The following MCHR2 variants were observed in gnomAD, a reference collection of about 807,000 sequenced individuals.
The protein encoded by MCHR2 is melanin-concentrating hormone receptor 2.
In MCHR2, 15 loss-of-function variants were observed where a neutral mutation model predicts 24.8. The ratio of observed to expected loss-of-function variants is 0.60; its 90% CI spans 0.40 to 0.93. The LOEUF is 0.93. Ranked by LOEUF, MCHR2 falls within the 40% of genes least tolerant of loss-of-function variation. The pLI, the probability that MCHR2 is intolerant of heterozygous loss-of-function variation, is 0.00. For missense variants in MCHR2, 386 were observed against 408.7 expected, an observed-to-expected ratio of 0.94 and a Z score of 0.48; for synonymous variants, 151 against 147.6, an observed-to-expected ratio of 1.02 and a Z score of -0.17.
intron 2 of MCHR2, among the ~76,000 whole-genome samples, chr6:99,949,237 C>T (rs1774925940): frequency 1.3e-5 from 2 of 152,226 alleles, no homozygotes; most frequent in South Asian, 2.1e-4. Flanking sequence ...TAAACCCTGT[C>T]ATCAAGGAGC....
intron 5 of MCHR2, among the ~76,000 whole-genome samples, chr6:99,931,684 G>A (rs143059705): frequency 1.2e-3 from 176 of 152,248 alleles, no homozygotes; most frequent in African/African-American, 1.4e-3. Context: ...TCCTAAGCCC[G>A]TCGGAAAAGC....
chr6:99,965,129 C>T (rs980258505), intron 1 of MCHR2, among the ~76,000 whole-genome samples: 5 of 152,050 alleles, frequency 3.3e-5, no homozygotes, highest in African/African-American at 1.2e-4. Flanking sequence ...CAGTGTTTTA[C>T]GTATGGTTCT....
Position 99,924,906 on chromosome 6 carries a change from A to G in MCHR2, c.708-3651T>C, listed in dbSNP as rs968482444. On this transcript the variant is annotated intron_variant, in intron 5 of 5. Coordinates refer to ENST00000281806, the MANE Select transcript of MCHR2 (RefSeq NM_001040179.2). ...TGGATGAGATGTCCTGTAAATATAT[A>G]TTAGATCCATTTGGTCTACAGTGCA... Among the ~76,000 whole-genome samples the G allele has an allele frequency of 1.2e-4, 18 of 152,264 alleles. 1 individual carries two copies. In the East Asian group the frequency reaches 2.3e-3, roughly 20 times the overall value.
At chr6:99,929,296 G>GA (rs1179040934) in intron 5 of MCHR2, among the ~76,000 whole-genome samples, 2 of 151,870 alleles carry the variant, frequency 1.3e-5, no homozygotes, top group Non-Finnish European at 1.5e-5. Flanking sequence ...GTGTGGTGCT[G>GA]AAAAAAATGT....
intron 5 of MCHR2, among the ~76,000 whole-genome samples, chr6:99,925,089 G>C (rs12212220): frequency 0.13 from 20,144 of 151,938 alleles, 1,733 homozygotes; most frequent in Admixed American, 0.2. Context: ...TCCAGTGTTG[G>C]GTGAATATAT....
chr6:99,969,651 T>C (rs1775362386), intron 1 of MCHR2, among the ~76,000 whole-genome samples: 1 of 151,480 alleles, frequency 6.6e-6, no homozygotes, highest in South Asian at 2.1e-4. Flanking sequence ...ATGTGCCATG[T>C]TGGTGTGCTG....
rs562799282 is a variant in MCHR2 at position 99,974,098 on chromosome 6, T to C, written c.-27-17924A>G. Among the ~76,000 whole-genome samples, 9 of 152,330 alleles carry C rather than the reference T, an allele frequency of 5.9e-5. No individual in the cohort carries two copies. In the East Asian group the frequency reaches 1.7e-3, roughly 29 times the overall value. On this transcript the variant is annotated intron_variant, in intron 1 of 5. Coordinates refer to ENST00000281806, the MANE Select transcript of MCHR2 (RefSeq NM_001040179.2). ...GTTCTCTGTATTTCCTGAATCTGAATGTTGGCCTGCCTTGCTAGATTGGGG... is the reference window on the plus strand; with the variant it reads ...GTTCTCTGTATTTCCTGAATCTGAACGTTGGCCTGCCTTGCTAGATTGGGG...
chr6:99,947,842 A>G lies in MCHR2; in HGVS notation c.312T>C (p.Pro104=), dbSNP rs1774898616. 2 of 1,613,678 alleles carry G rather than the reference A, an allele frequency of 1.2e-6. No individual in the cohort carries two copies. Among genetic ancestry groups the G allele is most frequent in the Admixed American group, 3.3e-5 (2 of 59,930 alleles). Residue 104 remains proline (P), a synonymous_variant, in exon 3 of 6, where the codon CCT becomes CCC. Transcript: ENST00000281806. ...CCAGGGATGTGATGATGGTGCAGAG[A>G]GGCCCCCCAAACACCCACTCTCCCC... is the stretch of plus-strand genomic sequence containing the variant. ...ARGGEWVFGG[P]LCTIITSLDT...
intron 1 of MCHR2, among the ~76,000 whole-genome samples, chr6:99,964,371 T>C (rs961470513): frequency 9.2e-5 from 14 of 152,284 alleles, no homozygotes; most frequent in African/African-American, 3.1e-4. Context: ...TAGTCTGTTA[T>C]CACAATGCTA....
chr6:99,946,238 C>T (rs182806263), intron 3 of MCHR2, among the ~76,000 whole-genome samples: 227 of 152,176 alleles, frequency 1.5e-3, no homozygotes, highest in African/African-American at 5.2e-3. Flanking sequence ...CATTGGCTGG[C>T]ATTAGCTGAG....
chr6:99,921,325 A>G (rs1774225970), intron 5 of MCHR2, 70 bp from the exon 6 acceptor site: 19 of 1,424,702 alleles, frequency 1.3e-5, no homozygotes, highest in Non-Finnish European at 1.7e-5. Flanking sequence ...GTGTTCCTAG[A>G]ACCTTTTGGA....
At chr6:99,927,510 A>C (rs1488986128) in intron 5 of MCHR2, among the ~76,000 whole-genome samples, 5 of 151,820 alleles carry the variant, frequency 3.3e-5, no homozygotes, top group African/African-American at 7.3e-5. Flanking sequence ...CTTTTATTTC[A>C]TTGGGCAGTG....
At chr6:99,948,878 A>G (rs59481159) in intron 2 of MCHR2, among the ~76,000 whole-genome samples, 1 of 152,102 alleles carries the variant, frequency 6.6e-6, no homozygotes. Flanking sequence ...AATAGCAAAG[A>G]CTATTAATAA....
chr6:99,958,616 C>T (rs1033661115), intron 1 of MCHR2, among the ~76,000 whole-genome samples: 4 of 152,262 alleles, frequency 2.6e-5, no homozygotes, highest in Admixed American at 2.6e-4. Context: ...TCCCATGGCA[C>T]CACTGATTCA....
At chr6:99,929,459 T>C (rs1425946616) in intron 5 of MCHR2, among the ~76,000 whole-genome samples, 1 of 152,128 alleles carries the variant, frequency 6.6e-6, no homozygotes, top group Non-Finnish European at 1.5e-5. Context: ...CCCGTTATTA[T>C]TGTGTGGGAG....
chr6:99,986,055 C>T (rs188466291), intron 1 of MCHR2, among the ~76,000 whole-genome samples: 2 of 151,866 alleles, frequency 1.3e-5, no homozygotes, highest in East Asian at 1.9e-4. Flanking sequence ...ATACAAATGG[C>T]CAAAAAACAT....
At chr6:99,984,607 G>A (rs1249211379) in intron 1 of MCHR2, among the ~76,000 whole-genome samples, 1 of 151,936 alleles carries the variant, frequency 6.6e-6, no homozygotes, top group African/African-American at 2.4e-5. Flanking sequence ...TGCAGAAAAA[G>A]CATTCCGTAA....
At chr6:99,977,707 G>C (rs1775579732) in intron 1 of MCHR2, among the ~76,000 whole-genome samples, 1 of 151,932 alleles carries the variant, frequency 6.6e-6, no homozygotes, top group African/African-American at 2.4e-5. Flanking sequence ...ACTATGCCTA[G>C]TGGATAAGTC....
At chr6:99,950,135 A>G (rs573232587) in intron 2 of MCHR2, among the ~76,000 whole-genome samples, 2 of 152,240 alleles carry the variant, frequency 1.3e-5, no homozygotes, top group South Asian at 2.1e-4. Flanking sequence ...ATCAAAAAGA[A>G]TTAAATAAAA....
Sources: gnomAD v4.1 joint callset for allele counts (sites outside exome capture counted in the v4.1 genomes callset) on GRCh38, gnomAD v4.1.1 for gene constraint, MANE v1.5 for transcripts, NCBI Gene and HGNC (gene_info 2026-07-23, HGNC 2026-07-21) for gene names.